RGS20: variants seen among roughly 807,000 people sequenced by gnomAD.
The protein encoded by RGS20 is regulator of G protein signaling 20.
Under a neutral mutation model 33.6 loss-of-function variants are expected in RGS20, and 30 were observed. That is an observed-to-expected ratio of 0.89 (90% confidence interval 0.67 to 1.21). The LOEUF is 1.21. Ranked by LOEUF, RGS20 falls within the 50% of genes most tolerant of loss-of-function variation. RGS20 has a pLI of 0.00. For synonymous variants in RGS20, 208 were observed against 197.9 expected, an observed-to-expected ratio of 1.05 and a Z score of -0.43; for missense variants, 472 against 502.4, an observed-to-expected ratio of 0.94 and a Z score of 0.58.
chr8:53,956,182 G>A (rs1040953515), intron 5 of RGS20, among the ~76,000 whole-genome samples: 1 of 152,308 alleles, frequency 6.6e-6, no homozygotes, highest in Non-Finnish European at 1.5e-5. Flanking sequence ...ACAGGACCAG[G>A]CGAGCCCAGG....
Position 53,907,671 on chromosome 8 carries a change from G to T in RGS20, c.510+28069G>T, listed in dbSNP as rs374608568. Among the ~76,000 whole-genome samples the T allele has an allele frequency of 4.9e-4, 75 of 152,170 alleles. 1 individual carries two copies. Among genetic ancestry groups the T allele is most frequent in the African/African-American group, 1.7e-3 (69 of 41,514 alleles). On this transcript the variant is annotated intron_variant, in intron 2 of 5. Transcript: ENST00000297313. ...TTGGGGATGAGGAGTGGCGGGGCAG[G>T]TAATGATTCTCCTGGGAGGCCAGAG...
intron 2 of RGS20, among the ~76,000 whole-genome samples, chr8:53,895,104 C>A (rs146176159): frequency 6.6e-6 from 1 of 151,854 alleles, no homozygotes; most frequent in East Asian, 1.9e-4. Flanking sequence ...GGAGAAGTAG[C>A]GGGGATGCAG....
intron 2 of RGS20, among the ~76,000 whole-genome samples, chr8:53,892,772 T>C (rs534797793): frequency 1.3e-5 from 2 of 152,360 alleles, no homozygotes; most frequent in East Asian, 1.9e-4. Context: ...CCCCTGACCA[T>C]GTATAATTTG....
At chr8:53,944,952 A>G (rs1432961175) in intron 3 of RGS20, among the ~76,000 whole-genome samples, 1 of 152,226 alleles carries the variant, frequency 6.6e-6, no homozygotes, top group Non-Finnish European at 1.5e-5. Context: ...AGAATAAAAA[A>G]GACAACAGTA....
At chr8:53,914,255 T>C (rs58344188) in intron 2 of RGS20, among the ~76,000 whole-genome samples, 9,697 of 152,216 alleles carry the variant, frequency 0.064, 826 homozygotes, top group African/African-American at 0.19. Flanking sequence ...GGTCTTGAAC[T>C]CCTGGCCTCA....
chr8:53,937,291 T>C (rs900792889), intron 2 of RGS20, among the ~76,000 whole-genome samples: 22 of 151,364 alleles, frequency 1.5e-4, no homozygotes, highest in Non-Finnish European at 2.4e-4. Context: ...TAAAGTATAA[T>C]AATAAATAAA....
chr8:53,887,545 A>G (rs973351562), intron 2 of RGS20, among the ~76,000 whole-genome samples: 1 of 152,182 alleles, frequency 6.6e-6, no homozygotes, highest in Non-Finnish European at 1.5e-5. Flanking sequence ...GACACAAGAG[A>G]GGTGACACAG....
chr8:53,932,243 A>G (rs1302789722), intron 2 of RGS20, among the ~76,000 whole-genome samples: 2 of 152,016 alleles, frequency 1.3e-5, no homozygotes, highest in Admixed American at 6.6e-5. Context: ...AGTGTTTTTC[A>G]TACCCCAGTT....
intron 2 of RGS20, among the ~76,000 whole-genome samples, chr8:53,903,453 A>G (rs1036297571): frequency 6.6e-6 from 1 of 152,218 alleles, no homozygotes; most frequent in African/African-American, 2.4e-5. Context: ...ATCTGGCTAT[A>G]GCTGCACCCC....
chr8:53,933,152 G>GA (rs1326200316), intron 2 of RGS20, among the ~76,000 whole-genome samples: 2 of 151,976 alleles, frequency 1.3e-5, no homozygotes, highest in Non-Finnish European at 2.9e-5. Flanking sequence ...TGAAGATGAG[G>GA]AAAAACCAGT....
At chr8:53,950,183 G>T (rs775939030) in intron 4 of RGS20, among the ~76,000 whole-genome samples, 1 of 152,000 alleles carries the variant, frequency 6.6e-6, no homozygotes, top group Non-Finnish European at 1.5e-5. Context: ...GATTTGAAAA[G>T]AAATAAAATA....
At chr8:53,912,821 G>A (rs916352577) in intron 2 of RGS20, among the ~76,000 whole-genome samples, 1 of 152,104 alleles carries the variant, frequency 6.6e-6, no homozygotes, top group African/African-American at 2.4e-5. Context: ...TATAGGAAAA[G>A]TAGGATAAAA....
chr8:53,889,365 G>A (rs943985538), intron 2 of RGS20, among the ~76,000 whole-genome samples: 1 of 140,272 alleles, frequency 7.1e-6, no homozygotes, highest in South Asian at 2.5e-4. Context: ...GCCTCTACAA[G>A]CCTTTGGCCC....
intron 2 of RGS20, among the ~76,000 whole-genome samples, chr8:53,919,269 A>G (rs1397191698): frequency 6.6e-6 from 1 of 151,520 alleles, no homozygotes; most frequent in Non-Finnish European, 1.5e-5. Flanking sequence ...AGAGTTCTTT[A>G]TACATCCTGG....
chr8:53,852,260 T>A (rs934085368), intron 1 of RGS20, among the ~76,000 whole-genome samples: 2 of 152,250 alleles, frequency 1.3e-5, no homozygotes, highest in Non-Finnish European at 2.9e-5. Context: ...TTTTCTCCAA[T>A]CTAAACAGAT....
intron 1 of RGS20, among the ~76,000 whole-genome samples, chr8:53,868,759 A>G (rs1317902436): frequency 1.4e-5 from 2 of 147,126 alleles, no homozygotes; most frequent in Non-Finnish European, 3.0e-5. Flanking sequence ...GGACAAATGC[A>G]TTTTTTTTTT....
intron 4 of RGS20, among the ~76,000 whole-genome samples, chr8:53,948,522 T>A (rs1260195070): frequency 5.8e-4 from 59 of 102,468 alleles, no homozygotes; most frequent in African/African-American, 2.4e-3. Context: ...ATGCTATATA[T>A]GATACAGTAT....
intron 2 of RGS20, chr8:53,914,774 T>C (rs1813438920): frequency 1.3e-5 from 2 of 152,136 alleles, no homozygotes; most frequent in African/African-American, 2.4e-5. Context: ...GAAATTAGCA[T>C]GGCCCCTGCG....
At chr8:53,942,810 G>A (rs1019455728) in intron 3 of RGS20, among the ~76,000 whole-genome samples, 10 of 146,612 alleles carry the variant, frequency 6.8e-5, no homozygotes, top group Non-Finnish European at 1.2e-4. Context: ...GCAACACAGC[G>A]AGACCATGTC....
Sources: allele counts gnomAD v4.1 joint callset (sites outside exome capture counted in the v4.1 genomes callset), GRCh38; gene constraint gnomAD v4.1.1; transcripts MANE v1.5; gene names NCBI Gene and HGNC (gene_info 2026-07-23, HGNC 2026-07-21).